IGFL2: variants seen among roughly 807,000 people sequenced by gnomAD.
IGFL2 encodes IGF like family member 2, also known as insulin growth factor-like family member 2.
A neutral mutation model predicts 13.9 loss-of-function variants in IGFL2; 7 were observed. That is an observed-to-expected ratio of 0.51 (90% CI 0.29 to 0.95). The LOEUF (loss-of-function observed/expected upper bound fraction) is 0.95. Among genes scored for constraint, IGFL2 ranks in the 40% least tolerant of loss-of-function variants. The pLI, the probability that IGFL2 is intolerant of heterozygous loss-of-function variation, is 0.08. For synonymous variants in IGFL2, 55 were observed against 55.8 expected (o/e 0.99, Z 0.07); for missense variants, 138 against 147.8 (o/e 0.93, Z 0.34).
chr19:46,188,304 C>G, the IGFL2 span, among the ~76,000 whole-genome samples: 2 of 151,972 alleles, frequency 1.3e-5, no homozygotes, highest in Non-Finnish European at 2.9e-5. Flanking sequence ...CTGTAGACAC[C>G]CATTTATTTG....
chr19:46,178,820 T>C, the IGFL2 span, among the ~76,000 whole-genome samples: 1 of 152,006 alleles, frequency 6.6e-6, no homozygotes, highest in Non-Finnish European at 1.5e-5. Flanking sequence ...GATTTATGTC[T>C]TTGCCTGTAG....
chr19:46,099,832 A>G, the IGFL2 span, among the ~76,000 whole-genome samples: 1 of 151,656 alleles, frequency 6.6e-6, no homozygotes, highest in African/African-American at 2.4e-5. Context: ...GTGCTTGTTC[A>G]TTCCTTTTCA....
chr19:46,104,092 G>A, the IGFL2 span, among the ~76,000 whole-genome samples: 2 of 152,156 alleles, frequency 1.3e-5, no homozygotes, highest in Non-Finnish European at 2.9e-5. Flanking sequence ...ATCTGGAGTA[G>A]GCAAGAGAAG....
the IGFL2 span, among the ~76,000 whole-genome samples, chr19:46,089,743 T>G: frequency 2.0e-5 from 3 of 152,048 alleles, no homozygotes; most frequent in African/African-American, 7.2e-5. Flanking sequence ...CTCCCTTATA[T>G]GTTATTTGCT....
At chr19:46,121,393 T>TG in the IGFL2 span, among the ~76,000 whole-genome samples, 4,282 of 77,980 alleles carry the variant, frequency 0.055, 138 homozygotes, top group Middle Eastern at 0.08. Context: ...GATCCTGTCT[T>TG]GAAAAAAAAA....
chr19:46,115,372 A>G, the IGFL2 span, among the ~76,000 whole-genome samples: 151,879 of 152,284 alleles, frequency 1, 75,745 homozygotes, highest in Middle Eastern at 1. Context: ...CCCCCAAAAT[A>G]TCAGGTAAGG....
chr19:46,149,527 C>G (rs1294365760), intron 1 of IGFL2, among the ~76,000 whole-genome samples: 1 of 151,540 alleles, frequency 6.6e-6, no homozygotes, highest in Non-Finnish European at 1.5e-5. Flanking sequence ...TTTAGCTGTT[C>G]CTCTCTTTCC....
downstream of IGFL2, chr19:46,161,295 C>G (rs181847077): frequency 7.0e-4 from 324 of 465,792 alleles, 1 homozygote; most frequent in African/African-American, 5.4e-3. Flanking sequence ...ATGTACACAC[C>G]TGTACCCAAT....
chr19:46,089,104 T>C, the IGFL2 span, among the ~76,000 whole-genome samples: 2 of 152,330 alleles, frequency 1.3e-5, no homozygotes, highest in South Asian at 4.1e-4. Context: ...TCTCTAGCAG[T>C]ATATTTTGAT....
At chr19:46,211,786 C>T in the IGFL2 span, 1 of 152,156 alleles carries the variant, frequency 6.6e-6, no homozygotes, top group Non-Finnish European at 1.5e-5. Flanking sequence ...GAAAGGAAGA[C>T]AGGCCCTGTT....
the IGFL2 span, among the ~76,000 whole-genome samples, chr19:46,082,280 T>C: frequency 6.6e-6 from 1 of 152,218 alleles, no homozygotes; most frequent in African/African-American, 2.4e-5. Flanking sequence ...TAAACTCTCC[T>C]GGGTTCCTAG....
the IGFL2 span, among the ~76,000 whole-genome samples, chr19:46,091,973 C>T: frequency 2.6e-5 from 4 of 152,040 alleles, no homozygotes; most frequent in Non-Finnish European, 4.4e-5. Context: ...AGTGTATATA[C>T]CATAATCAAA....
chr19:46,083,041 C>T, the IGFL2 span, among the ~76,000 whole-genome samples: 1 of 152,142 alleles, frequency 6.6e-6, no homozygotes, highest in Non-Finnish European at 1.5e-5. Flanking sequence ...TGTTTAAATT[C>T]CTAGAACTGA....
the IGFL2 span, among the ~76,000 whole-genome samples, chr19:46,132,092 G>A: frequency 6.6e-6 from 1 of 152,176 alleles, no homozygotes; most frequent in Non-Finnish European, 1.5e-5. Flanking sequence ...GCCTTGCAGA[G>A]GAGGGAAACA....
At chr19:46,202,316 AG>A in the IGFL2 span, among the ~76,000 whole-genome samples, 1 of 152,224 alleles carries the variant, frequency 6.6e-6, no homozygotes, top group Non-Finnish European at 1.5e-5. Context: ...CTGGCCATTT[AG>A]AACAATTGTT....
the IGFL2 span, among the ~76,000 whole-genome samples, chr19:46,121,573 A>G: frequency 6.8e-6 from 1 of 146,616 alleles, no homozygotes. Flanking sequence ...GACAAAGACA[A>G]GAAGAGAGGA....
At chr19:46,100,956 T>A in the IGFL2 span, among the ~76,000 whole-genome samples, 2 of 152,100 alleles carry the variant, frequency 1.3e-5, no homozygotes, top group Non-Finnish European at 1.5e-5. Context: ...TGTTTTTCTT[T>A]AACAGTCAGG....
At chr19:46,084,598 A>G in the IGFL2 span, among the ~76,000 whole-genome samples, 1 of 152,190 alleles carries the variant, frequency 6.6e-6, no homozygotes, top group East Asian at 1.9e-4. Flanking sequence ...TCTGCTTCTG[A>G]GGAGGCCTCA....
At chr19:46,209,789 A>G in the IGFL2 span, 2 of 152,252 alleles carry the variant, frequency 1.3e-5, no homozygotes, top group Admixed American at 6.5e-5. Flanking sequence ...AAAGAAGAAG[A>G]AGGAAAACCT....
Sources: allele counts gnomAD v4.1 joint callset (sites outside exome capture counted in the v4.1 genomes callset), GRCh38; gene constraint gnomAD v4.1.1; transcripts MANE v1.5; gene names NCBI Gene and HGNC (gene_info 2026-07-23, HGNC 2026-07-21).